Variants in RMST observed in about 807,000 individuals in gnomAD.
RMST encodes rhabdomyosarcoma 2 associated transcript.
intron 10 of RMST, among the ~76,000 whole-genome samples, chr12:97,518,118 G>A (rs1880129776): frequency 6.6e-6 from 1 of 152,052 alleles, no homozygotes; most frequent in South Asian, 2.1e-4. Flanking sequence ...TTGAAGTAGA[G>A]TTATCAGAGA....
chr12:97,479,320 T>G (rs1275157951), intron 5 of RMST, among the ~76,000 whole-genome samples: 1 of 151,880 alleles, frequency 6.6e-6, no homozygotes, highest in African/African-American at 2.4e-5. Context: ...TCTTTTATTT[T>G]ATTAATTTTT....
At chr12:97,513,234 A>G (rs1442400835) in intron 10 of RMST, among the ~76,000 whole-genome samples, 2 of 152,222 alleles carry the variant, frequency 1.3e-5, no homozygotes, top group Non-Finnish European at 2.9e-5. Flanking sequence ...CCAAAGTGGG[A>G]GCCCAGGCAG....
intron 11 of RMST, among the ~76,000 whole-genome samples, chr12:97,532,165 ATTATT>A (rs1367489091): frequency 6.6e-6 from 1 of 151,960 alleles, no homozygotes; most frequent in Non-Finnish European, 1.5e-5. Flanking sequence ...GATTTAAATC[ATTATT>A]TTATTATATT....
chr12:97,478,356 C>T (rs1407197157), intron 5 of RMST, among the ~76,000 whole-genome samples: 1 of 152,180 alleles, frequency 6.6e-6, no homozygotes, highest in Non-Finnish European at 1.5e-5. Flanking sequence ...ACCAGATTAT[C>T]TGTAGTCTTC....
chr12:97,508,324 G>C (rs1878916773), intron 10 of RMST, among the ~76,000 whole-genome samples: 1 of 152,158 alleles, frequency 6.6e-6, no homozygotes, highest in Admixed American at 6.5e-5. Flanking sequence ...ACAACTCCTG[G>C]GGGAGGTGGA....
intron 11 of RMST, among the ~76,000 whole-genome samples, chr12:97,550,923 A>G (rs1883266079): frequency 6.6e-6 from 1 of 152,190 alleles, no homozygotes; most frequent in Non-Finnish European, 1.5e-5. Context: ...CAGGTAGCTT[A>G]CATATATAAC....
intron 10 of RMST, among the ~76,000 whole-genome samples, chr12:97,505,598 T>C (rs10507089): frequency 6.6e-6 from 1 of 152,228 alleles, no homozygotes; most frequent in Non-Finnish European, 1.5e-5. Flanking sequence ...TCAGTCATTC[T>C]TATCCATTAA....
rs578113892 is a variant in RMST, at chr12:97,467,578, A to C, written n.644+1851A>C. Among the ~76,000 whole-genome samples, 11 of 152,142 alleles carry C rather than the reference A, an allele frequency of 7.2e-5. No individual in the cohort carries two copies. In the East Asian group the frequency reaches 1.2e-3, roughly 16 times the overall value. On this transcript the variant is annotated intron_variant and non_coding_transcript_variant, in intron 5 of 13. Transcript: ENST00000640149. ...AAATTAAGCTCTGGCATCTGATTAC[A>C]TTATCCTCTCCTGATATGTTTACTA...
chr12:97,484,830 T>C (rs886636725), intron 5 of RMST, among the ~76,000 whole-genome samples: 3 of 152,218 alleles, frequency 2.0e-5, no homozygotes, highest in Non-Finnish European at 4.4e-5. Flanking sequence ...TAGCTTTTAA[T>C]TCCTTTCATC....
At chr12:97,466,365 G>C (rs1648998862) in intron 5 of RMST, among the ~76,000 whole-genome samples, 1 of 152,016 alleles carries the variant, frequency 6.6e-6, no homozygotes, top group Non-Finnish European at 1.5e-5. Context: ...TCCTTTACTT[G>C]GGTTTCTTAC....
intron 5 of RMST, among the ~76,000 whole-genome samples, chr12:97,490,363 A>G (rs893359491): frequency 3.3e-5 from 5 of 152,332 alleles, no homozygotes; most frequent in African/African-American, 1.2e-4. Flanking sequence ...GCCAGACTGC[A>G]CAGATTCAAA....
intron 9 of RMST, among the ~76,000 whole-genome samples, chr12:97,495,476 T>A (rs1012208513): frequency 4.6e-5 from 7 of 152,176 alleles, no homozygotes; most frequent in Non-Finnish European, 7.3e-5. Context: ...TACTAAAATA[T>A]CTAGCCTTCT....
intron 11 of RMST, chr12:97,532,658 T>G (rs982568111): frequency 1.3e-5 from 2 of 150,022 alleles, no homozygotes; most frequent in Admixed American, 6.7e-5. Flanking sequence ...TTTTTTTTTT[T>G]TTTTTTTTTT....
intron 10 of RMST, among the ~76,000 whole-genome samples, chr12:97,527,682 A>G (rs1310923068): frequency 6.6e-6 from 1 of 152,212 alleles, no homozygotes; most frequent in Non-Finnish European, 1.5e-5. Context: ...CTACAGGTCT[A>G]GTAAAATTAT....
intron 10 of RMST, among the ~76,000 whole-genome samples, chr12:97,497,281 G>C (rs1419364289): frequency 6.6e-6 from 1 of 152,176 alleles, no homozygotes; most frequent in Non-Finnish European, 1.5e-5. Context: ...ATCTTTTCAA[G>C]GGCTTGAGGT....
chr12:97,529,051 C>T (rs1355836877), intron 10 of RMST, among the ~76,000 whole-genome samples: 1 of 151,946 alleles, frequency 6.6e-6, no homozygotes, highest in African/African-American at 2.4e-5. Flanking sequence ...GTATCTTACT[C>T]TCAGCAAGAT....
At chr12:97,499,060 A>G (rs1452274340) in intron 10 of RMST, among the ~76,000 whole-genome samples, 1 of 152,138 alleles carries the variant, frequency 6.6e-6, no homozygotes, top group Non-Finnish European at 1.5e-5. Context: ...GGTTTGTCTG[A>G]CATCCTCAAA....
intron 10 of RMST, among the ~76,000 whole-genome samples, chr12:97,505,149 G>A (rs1878527720): frequency 6.6e-6 from 1 of 152,142 alleles, no homozygotes; most frequent in South Asian, 2.1e-4. Flanking sequence ...AAATTATTCA[G>A]CAGTGTCTAA....
chr12:97,558,415 A>G (rs976644534), intron 11 of RMST, among the ~76,000 whole-genome samples: 2 of 152,206 alleles, frequency 1.3e-5, no homozygotes, highest in Non-Finnish European at 2.9e-5. Context: ...TCTGCCTTCT[A>G]TCTTTTGTCT....
Sources: allele counts gnomAD v4.1 joint callset (sites outside exome capture counted in the v4.1 genomes callset), GRCh38; gene constraint gnomAD v4.1.1; transcripts MANE v1.5; gene names NCBI Gene and HGNC (gene_info 2026-07-23, HGNC 2026-07-21).